Variants in CSMD2 observed in about 807,000 individuals in gnomAD.
CSMD2 encodes the protein CUB and sushi domain-containing protein 2.
Under a neutral mutation model 398.5 loss-of-function variants are expected in CSMD2, and 130 were observed. That is an observed-to-expected ratio of 0.33 (90% CI 0.28 to 0.38). The LOEUF (loss-of-function observed/expected upper bound fraction) is 0.38, where lower values mean the gene tolerates loss of function less well. Ranked by LOEUF, CSMD2 falls within the 10% of genes least tolerant of loss-of-function variation. The pLI is 1.00. For synonymous variants in CSMD2, 1,828 were observed against 1,908.5 expected (o/e 0.96, Z 1.10); for missense variants, 3,829 against 4,764.9 (o/e 0.80, Z 5.78).
At position 34,163,104 on chromosome 1, in the gene CSMD2, C is replaced by T. The variant is rs564702135; in HGVS notation, c.187+1807G>A. Among the ~76,000 whole-genome samples the T allele has an allele frequency of 3.7e-4, 56 of 152,356 alleles. No individual in the cohort carries two copies. The South Asian group carries it at 0.011, about 29-fold the overall frequency. On this transcript the variant is annotated intron_variant, in intron 1 of 70. Coordinates refer to ENST00000373381, the MANE Select transcript of CSMD2 (RefSeq NM_001281956.2). The surrounding 1 kb of genome is among the most constrained non-coding windows in gnomAD (Gnocchi z 5.4). ...CTCTCCCCTAGGGGCAGGATATGCC[C>T]AAGGGGCAGGGACAAATCTAGCCAG...
In CSMD2 at chr1:33,540,483, C is replaced by A. The variant is rs1305834242; in HGVS notation, c.9631+42G>T. ...GCTCCGAGGAGGCAAGGGGAAGGAG[C>A]TATTGAAGAGGATGCACCAAAGGCC... On this transcript the variant is annotated intron_variant, in intron 60 of 70. Transcript: ENST00000373381. 5 of 1,605,790 alleles carry A rather than the reference C, an allele frequency of 3.1e-6. No homozygotes were observed. The East Asian group carries it at 1.1e-4, about 36-fold the overall frequency.
rs1446080198 is a variant in CSMD2 at position 33,519,125 on chromosome 1, AG to A, written c.*53+339del. On this transcript the variant is annotated intron_variant, in intron 70 of 70. Transcript: ENST00000373381. This position sits in a 1 kb window ranked among gnomAD's most constrained non-coding sequence, Gnocchi z 5.6. ...CGATGTTCTGCCAAGCCCAGGGGTG[AG>A]GAGCAGTTTCTGGAGCCAGTCAGCC... 6.6e-6 allele frequency among the ~76,000 whole-genome samples: 1 copy of A among 152,178 alleles called. No individual in the cohort carries two copies. Among genetic ancestry groups the A allele is most frequent in the Non-Finnish European group, 1.5e-5 (1 of 68,026 alleles).
At chr1:33,803,918 T>C (rs1339265491) in intron 10 of CSMD2, among the ~76,000 whole-genome samples, 1 of 152,196 alleles carries the variant, frequency 6.6e-6, no homozygotes. Flanking sequence ...TTTCATCTAC[T>C]CTGAGATCTT....
chr1:34,160,358 T>A (rs1204835659), intron 1 of CSMD2, among the ~76,000 whole-genome samples: 1 of 152,222 alleles, frequency 6.6e-6, no homozygotes, highest in Non-Finnish European at 1.5e-5. Context: ...GACTGAGTAG[T>A]GAAACGCCTT....
chr1:33,545,707 G>T (rs1195879837), intron 57 of CSMD2, among the ~76,000 whole-genome samples: 1 of 152,178 alleles, frequency 6.6e-6, no homozygotes. Context: ...GGCAGTGTCC[G>T]TCTTGGTCAC....
chr1:33,825,867 A>G lies in CSMD2; in HGVS notation c.1034-93T>C, dbSNP rs1658750008. ...GAAGGATTCCCCCTTGTGCCTTGGA[A>G]CATTCCATGGTGGGTCAAAGCCAGG... On this transcript the variant is annotated intron_variant, in intron 6 of 70. Coordinates refer to ENST00000373381, the MANE Select transcript of CSMD2 (RefSeq NM_001281956.2). 3.2e-5 allele frequency: 33 copies of G among 1,042,646 alleles called. No individual in the cohort carries two copies. In the East Asian group the frequency reaches 8.2e-4, roughly 26 times the overall value. The allele number at this position is 1,042,646 out of a possible 1,614,324, so 64.6% of individuals were successfully genotyped here. A position where few individuals can be genotyped will look rare whatever the true frequency, so the allele number is the denominator to read the frequency against.
Position 33,577,389 on chromosome 1 carries a change from C to T in CSMD2, c.7483G>A (p.Ala2495Thr), listed in dbSNP as rs1024667014. Reference protein sequence around the residue: ...PGGSIHFGCNAGYRLVGHSMA... With the variant: ...PGGSIHFGCNTGYRLVGHSMA... ...CTGTGTCCCACCAGGCGGTAGCCGGCGTTGCAGCCAAAGTGGATGGAGCCC... is the reference window on the plus strand; with the variant it reads ...CTGTGTCCCACCAGGCGGTAGCCGGTGTTGCAGCCAAAGTGGATGGAGCCC... The change falls in exon 49 of 71, where the codon GCC becomes ACC. Residue 2495 changes from alanine (A) to threonine (T), a missense_variant. Around this residue, in one of 5 missense-constraint regions of CSMD2, gnomAD observed 723 missense variants for 758.6 expected, o/e 0.95. Transcript: ENST00000373381. The T allele has an allele frequency of 5.6e-6, 9 of 1,614,032 alleles. No homozygotes were observed. Among genetic ancestry groups the T allele is most frequent in the East Asian group, 4.5e-5 (2 of 44,894 alleles).
chr1:33,702,635 C>T lies in CSMD2; in HGVS notation c.3577-1962G>A, dbSNP rs76856336. Among the ~76,000 whole-genome samples, 791 of 152,244 alleles carry T rather than the reference C, an allele frequency of 5.2e-3. 11 individuals are homozygous for T. Among genetic ancestry groups the T allele is most frequent in the African/African-American group, 0.018 (760 of 41,538 alleles). ...GATACTATAGGGCAAACTGCTCTTT[C>T]ACTTAATATAATGTGTATATTTTTA... On this transcript the variant is annotated intron_variant, in intron 22 of 70. Transcript: ENST00000373381.
chr1:33,645,758 G>A (rs570211096), intron 29 of CSMD2, among the ~76,000 whole-genome samples: 29 of 152,272 alleles, frequency 1.9e-4, no homozygotes, highest in African/African-American at 5.8e-4. Flanking sequence ...TCCTACCATC[G>A]TTTTATAAAG....
intron 19 of CSMD2, 81 bp from the exon 20 acceptor site, chr1:33,716,582 A>G: frequency 9.9e-7 from 1 of 1,006,964 alleles, no homozygotes. Context: ...CTACACAAAC[A>G]TTTCCAGTTT....
At chr1:33,550,075 T>C (rs1296859373) in intron 56 of CSMD2, 102 bp downstream of exon 56, 4 of 1,216,826 alleles carry the variant, frequency 3.3e-6, no homozygotes, top group South Asian at 2.7e-5. Flanking sequence ...TGAGGTCTGA[T>C]TCCCTCCCAT....
At chr1:33,762,614 T>A (rs967500625) in intron 13 of CSMD2, among the ~76,000 whole-genome samples, 1 of 152,132 alleles carries the variant, frequency 6.6e-6, no homozygotes, top group African/African-American at 2.4e-5. Flanking sequence ...GATTCCTGGG[T>A]TGGATTGGAC....
At chr1:33,733,651 C>T (rs927093935) in intron 15 of CSMD2, among the ~76,000 whole-genome samples, 2 of 152,136 alleles carry the variant, frequency 1.3e-5, no homozygotes, top group Non-Finnish European at 2.9e-5. Flanking sequence ...TTCCCCCATG[C>T]TGCTGTCATG....
chr1:34,079,577 C>G (rs1656821857), intron 2 of CSMD2, among the ~76,000 whole-genome samples: 1 of 152,072 alleles, frequency 6.6e-6, no homozygotes, highest in South Asian at 2.1e-4. Flanking sequence ...TGAAAATGAT[C>G]TAAAGTATAT....
In CSMD2 at chr1:33,695,678, C is replaced by T. The variant is rs562267451; in HGVS notation, c.3926-2622G>A. On this transcript the variant is annotated intron_variant, in intron 24 of 70. Transcript: ENST00000373381. Reference sequence around the variant, plus strand: ...CCCACGCTCTAGGCAGTGCCATCAACGGATCTTTATCAAATGCAAACAAGT... The same window carrying T: ...CCCACGCTCTAGGCAGTGCCATCAATGGATCTTTATCAAATGCAAACAAGT... Among the ~76,000 whole-genome samples, 15 of 152,350 alleles carry T rather than the reference C, an allele frequency of 9.8e-5. No individual in the cohort carries two copies. In the South Asian group the frequency reaches 1.9e-3, roughly 19 times the overall value.
chr1:34,059,726 A>G (rs1654253591), intron 2 of CSMD2, among the ~76,000 whole-genome samples: 1 of 152,074 alleles, frequency 6.6e-6, no homozygotes, highest in South Asian at 2.1e-4. Context: ...ACGTGAATGA[A>G]TGAATGAATG....
intron 41 of CSMD2, among the ~76,000 whole-genome samples, chr1:33,606,715 G>A (rs187126882): frequency 6.6e-6 from 1 of 152,232 alleles, no homozygotes; most frequent in African/African-American, 2.4e-5. Context: ...GACGGGGAGA[G>A]AAGGAAGGGA....
At chr1:33,645,342 TATAC>T (rs1387986656) in intron 29 of CSMD2, among the ~76,000 whole-genome samples, 108 of 104,304 alleles carry the variant, frequency 1.0e-3, no homozygotes, top group African/African-American at 3.3e-3. Context: ...TATGGAGCAT[TATAC>T]ACACACACAC....
chr1:33,675,973 C>T (rs1228204253), intron 25 of CSMD2, among the ~76,000 whole-genome samples: 8 of 152,126 alleles, frequency 5.3e-5, no homozygotes, highest in Non-Finnish European at 1.2e-4. Flanking sequence ...ATAATAAGAG[C>T]TATTTATGAC....
Sources: allele counts gnomAD v4.1 joint callset (sites outside exome capture counted in the v4.1 genomes callset), GRCh38; gene constraint gnomAD v4.1.1; regional missense constraint gnomAD v4.1.1; non-coding constraint Gnocchi (gnomAD v3.1); transcripts MANE v1.5; gene names NCBI Gene and HGNC (gene_info 2026-07-23, HGNC 2026-07-21).